TDP1: variants seen among roughly 807,000 people sequenced by gnomAD.
TDP1 encodes tyrosyl-DNA phosphodiesterase 1, also known as tyr-DNA phosphodiesterase 1.
TDP1 carries 64 observed loss-of-function variants against 81.5 expected under a neutral mutation model. That is an observed-to-expected ratio of 0.79 (90% CI 0.64 to 0.97). TDP1 has a LOEUF of 0.97. TDP1 is among the 50% of genes least tolerant of loss of function. TDP1 has a pLI of 0.00. For missense variants in TDP1, 723 were observed against 743.8 expected (o/e 0.97, Z 0.33); for synonymous variants, 256 against 264.3 (o/e 0.97, Z 0.30).
intron 14 of TDP1, among the ~76,000 whole-genome samples, chr14:89,998,436 G>C (rs1387363299): frequency 9.4e-6 from 1 of 106,462 alleles, no homozygotes; most frequent in African/African-American, 5.0e-5. Context: ...ATGTATGTAT[G>C]TATGTATATG....
chr14:89,972,915 T>A (rs1893833214), intron 6 of TDP1, among the ~76,000 whole-genome samples: 1 of 152,124 alleles, frequency 6.6e-6, no homozygotes, highest in South Asian at 2.1e-4. Flanking sequence ...CCTTTCTGGA[T>A]TTTTTTTCTC....
At position 90,044,198 on chromosome 14, in the gene TDP1, G is replaced by GGAAGCAGCTCATA. The variant is rs1187429917; in HGVS notation, c.*1059_*1071dup. 1 of 152,152 alleles carries GGAAGCAGCTCATA rather than the reference G, an allele frequency of 6.6e-6. No individual in the cohort carries two copies. The highest frequency in any genetic ancestry group is 1.5e-5 in the Non-Finnish European group (1 of 68,038). 9.4% of individuals were successfully genotyped at this position (152,152 alleles called of 1,614,324 possible). A position where few individuals can be genotyped will look rare whatever the true frequency, so the allele number is the denominator to read the frequency against. On this transcript the variant is annotated 3_prime_UTR_variant, in exon 17 of 17. Coordinates refer to ENST00000335725, the MANE Select transcript of TDP1 (RefSeq NM_018319.4). The stretch of plus-strand genomic sequence containing the variant: ...TCTTCTATCCCCAGAAACTTTCAGA[G>GGAAGCAGCTCATA]GAAGCAGCTCATAGAAACATACAAA...
intron 6 of TDP1, among the ~76,000 whole-genome samples, chr14:89,973,969 C>T (rs966141489): frequency 6.6e-6 from 1 of 152,058 alleles, no homozygotes; most frequent in African/African-American, 2.4e-5. Context: ...TGTATAAGGA[C>T]AGCAGTCCTG....
intron 12 of TDP1, 69 bp from the exon 13 acceptor site, chr14:89,991,848 T>A (rs1896217474): frequency 6.8e-7 from 1 of 1,465,636 alleles, no homozygotes; most frequent in Non-Finnish European, 9.3e-7. Context: ...TTATTGTAGA[T>A]TTTCCTCTTA....
intron 3 of TDP1, 33 bp from the exon 4 acceptor site, chr14:89,966,112 TGA>T: frequency 6.9e-7 from 1 of 1,449,932 alleles, no homozygotes; most frequent in Middle Eastern, 1.8e-4. Flanking sequence ...AGGATTTTTG[TGA>T]GTGTGAATTT....
chr14:89,967,388 G>T lies in TDP1; in HGVS notation c.625G>T (p.Asp209Tyr), dbSNP rs746170471. Residue 209 changes from aspartate to tyrosine, a missense_variant, in exon 5 of 17, where the codon GAC (aspartate) becomes TAC (tyrosine). Coordinates refer to ENST00000335725, the MANE Select transcript of TDP1 (RefSeq NM_018319.4). ...SAQFNYCFDV[D>Y]WLVKQYPPEF... is the part of the protein sequence containing the mutation. ...CTAGTTTAACTACTGCTTTGACGTG[G>T]ACTGGCTCGTAAAACAGTATCCACC... is the stretch of plus-strand genomic sequence containing the variant. 2 of 1,614,036 alleles carry T rather than the reference G, an allele frequency of 1.2e-6. No individual in the cohort carries two copies. The highest frequency in any genetic ancestry group is 2.2e-5 in the East Asian group (1 of 44,870).
intron 7 of TDP1, among the ~76,000 whole-genome samples, chr14:89,978,059 C>T (rs1455393891): frequency 6.6e-6 from 1 of 152,292 alleles, no homozygotes; most frequent in East Asian, 1.9e-4. Flanking sequence ...ACAGGATGGG[C>T]GAGGCATGCC....
intron 15 of TDP1, among the ~76,000 whole-genome samples, chr14:90,020,800 CTTT>C (rs869215666): frequency 8.1e-6 from 1 of 123,032 alleles, no homozygotes; most frequent in African/African-American, 3.4e-5. Context: ...CTAATCCAGT[CTTT>C]TTTTTTTTTT....
chr14:89,982,758 C>G (rs1895130137), intron 8 of TDP1, among the ~76,000 whole-genome samples: 1 of 152,174 alleles, frequency 6.6e-6, no homozygotes. Flanking sequence ...CCTCTGGCAG[C>G]CATCCTGGTG....
intron 15 of TDP1, among the ~76,000 whole-genome samples, chr14:90,025,794 A>G (rs1886579707): frequency 6.6e-6 from 1 of 152,214 alleles, no homozygotes; most frequent in Non-Finnish European, 1.5e-5. Flanking sequence ...CTGTGAATAT[A>G]TCAGGGAGGT....
intron 16 of TDP1, 165 bp from the exon 17 acceptor site, chr14:90,042,905 C>G (rs571513165): frequency 1.0e-6 from 1 of 985,292 alleles, no homozygotes; most frequent in African/African-American, 1.7e-5. Context: ...TAGGAGCCTT[C>G]GCTAAAAGCT....
At chr14:90,001,989 T>A (rs1272226107) in intron 14 of TDP1, among the ~76,000 whole-genome samples, 1 of 152,326 alleles carries the variant, frequency 6.6e-6, no homozygotes, top group East Asian at 1.9e-4. Flanking sequence ...TTTTTCTGCT[T>A]AGCATCTAAC....
intron 10 of TDP1, chr14:89,988,509 G>A (rs1488364285): frequency 2.0e-5 from 16 of 789,860 alleles, no homozygotes; most frequent in Non-Finnish European, 2.3e-5. Flanking sequence ...AGGAAACAGG[G>A]ATGAAGACCA....
At chr14:90,000,415 G>A (rs896165553) in intron 14 of TDP1, among the ~76,000 whole-genome samples, 7 of 152,082 alleles carry the variant, frequency 4.6e-5, no homozygotes, top group Admixed American at 4.6e-4. Context: ...ATGGAGTTCC[G>A]CTCTTATTGC....
At chr14:90,030,673 C>T (rs1039237748) in intron 15 of TDP1, among the ~76,000 whole-genome samples, 3 of 152,148 alleles carry the variant, frequency 2.0e-5, no homozygotes, top group Non-Finnish European at 4.4e-5. Context: ...TTCTACAGAT[C>T]GGTATTTCTT....
chr14:89,965,878 TTCTAAACTTGA>T, intron 3 of TDP1: 1 of 984,776 alleles, frequency 1.0e-6, no homozygotes, highest in Non-Finnish European at 1.2e-6. Context: ...CATATTGAGT[TTCTAAACTTGA>T]TCAATCATTC....
chr14:90,042,433 G>A (rs1446115842), intron 16 of TDP1, among the ~76,000 whole-genome samples: 1 of 152,148 alleles, frequency 6.6e-6, no homozygotes, highest in Non-Finnish European at 1.5e-5. Context: ...AAAGTGATTT[G>A]CCAATGTGAC....
intron 14 of TDP1, 130 bp downstream of exon 14, chr14:89,993,613 A>C: frequency 2.1e-6 from 3 of 1,432,208 alleles, no homozygotes; most frequent in Non-Finnish European, 2.8e-6. Flanking sequence ...TTTGTGTTAC[A>C]TGAGCCTTAT....
chr14:89,980,947 A>G (rs892882954), intron 8 of TDP1, among the ~76,000 whole-genome samples: 2 of 152,222 alleles, frequency 1.3e-5, no homozygotes, highest in African/African-American at 4.8e-5. Flanking sequence ...TATACACTCT[A>G]CAGCTAAGTA....
Sources: gnomAD v4.1 joint callset for allele counts (sites outside exome capture counted in the v4.1 genomes callset) on GRCh38, gnomAD v4.1.1 for gene constraint, MANE v1.5 for transcripts, NCBI Gene and HGNC (gene_info 2026-07-23, HGNC 2026-07-21) for gene names.